DACH2: variants seen among roughly 807,000 people sequenced by gnomAD.
The protein encoded by DACH2 is dachshund homolog 2.
DACH2 carries 17 observed loss-of-function variants against 35.8 expected under a neutral mutation model. That is an observed-to-expected ratio of 0.48 (90% confidence interval 0.33 to 0.71). The LOEUF (loss-of-function observed/expected upper bound fraction) is 0.71, where lower values mean the gene tolerates loss of function less well. Ranked by LOEUF, DACH2 falls within the 30% of genes least tolerant of loss-of-function variation. DACH2 has a pLI of 0.02. For synonymous variants in DACH2, 195 were observed against 177.3 expected, an observed-to-expected ratio of 1.10 and a Z score of -0.79; for missense variants, 469 against 472.7, an observed-to-expected ratio of 0.99 and a Z score of 0.07.
At chrX:86,300,682 T>C (rs969938569) in intron 1 of DACH2, among the ~76,000 whole-genome samples, 5 of 111,752 alleles carry the variant, frequency 4.5e-5, no homozygotes, top group Non-Finnish European at 9.4e-5. Context: ...ACTTAAAGTA[T>C]AATAATAAAA....
chrX:86,656,029 T>TC (rs66532210), intron 4 of DACH2, among the ~76,000 whole-genome samples: 27,886 of 80,637 alleles, frequency 0.35, 4,354 homozygotes, highest in Non-Finnish European at 0.4. Flanking sequence ...GAAATAAAGC[T>TC]CCCCCCCCCC....
chrX:86,562,348 A>T (rs937961742), intron 3 of DACH2, among the ~76,000 whole-genome samples: 2 of 111,504 alleles, frequency 1.8e-5, no homozygotes. Context: ...TTGAGAAAAG[A>T]TAGCACAATT....
intron 7 of DACH2, among the ~76,000 whole-genome samples, chrX:86,751,869 A>C (rs1253080870): frequency 8.9e-6 from 1 of 112,241 alleles, no homozygotes; most frequent in African/African-American, 3.2e-5. Flanking sequence ...TGGATAAAGA[A>C]AATGTGCTAC....
At chrX:86,483,042 G>T (rs1210728035) in intron 2 of DACH2, among the ~76,000 whole-genome samples, 2 of 107,312 alleles carry the variant, frequency 1.9e-5, no homozygotes, top group East Asian at 5.9e-4. Context: ...AATGCTAGAT[G>T]ACGAGTTAGT....
At chrX:86,770,352 T>C in intron 7 of DACH2, among the ~76,000 whole-genome samples, 1 of 111,867 alleles carries the variant, frequency 8.9e-6, no homozygotes, top group Non-Finnish European at 1.9e-5. Context: ...AGAACATATT[T>C]TGAGGAATCA....
chrX:86,611,260 G>C (rs370288112), intron 3 of DACH2, among the ~76,000 whole-genome samples: 29 of 110,706 alleles, frequency 2.6e-4, no homozygotes, highest in East Asian at 2.6e-3. Context: ...CCTGTGTTCT[G>C]TTCTACAGTG....
chrX:86,517,325 G>A (rs193221136), intron 3 of DACH2, among the ~76,000 whole-genome samples: 2 of 111,231 alleles, frequency 1.8e-5, no homozygotes, highest in East Asian at 5.7e-4. Context: ...ACCACAAAAT[G>A]TAATGATCAG....
chrX:86,160,042 A>G (rs1252861138), intron 1 of DACH2, among the ~76,000 whole-genome samples: 1 of 89,101 alleles, frequency 1.1e-5, no homozygotes, highest in Admixed American at 1.1e-4. Flanking sequence ...TGCCACATGT[A>G]AAAAAAAAAA....
chrX:86,226,220 A>G (rs1174052855), intron 1 of DACH2, among the ~76,000 whole-genome samples: 2 of 111,927 alleles, frequency 1.8e-5, no homozygotes, highest in African/African-American at 6.5e-5. Context: ...AAAAAAGTCA[A>G]ATGATAGGCT....
intron 1 of DACH2, among the ~76,000 whole-genome samples, chrX:86,237,228 C>T (rs1322216473): frequency 9.0e-6 from 1 of 111,613 alleles, no homozygotes; most frequent in Admixed American, 9.6e-5. Flanking sequence ...TTCTGTAATA[C>T]TTCTTGAAAG....
intron 1 of DACH2, among the ~76,000 whole-genome samples, chrX:86,191,222 C>A (rs2147892365): frequency 9.0e-6 from 1 of 111,723 alleles, no homozygotes; most frequent in Non-Finnish European, 1.9e-5. Context: ...GATACAGAAT[C>A]AACTTCAATG....
chrX:86,538,590 A>T lies in DACH2; in HGVS notation c.640+24199A>T, dbSNP rs1048501740. On this transcript the variant is annotated intron_variant, in intron 3 of 11. Coordinates refer to ENST00000373125, the MANE Select transcript of DACH2 (RefSeq NM_053281.3). ...GAAGTCCAAGATCAAGGGGATGGCA[A>T]CTGTGAAGGCCTTCTTGCAGAGTCA... 2.7e-5 allele frequency among the ~76,000 whole-genome samples: 3 copies of T among 112,007 alleles called. No homozygotes were observed. The Admixed American group carries it at 2.9e-4, about 11-fold the overall frequency.
At chrX:86,419,695 T>G (rs762401238) in intron 2 of DACH2, among the ~76,000 whole-genome samples, 1 of 111,830 alleles carries the variant, frequency 8.9e-6, no homozygotes, top group Non-Finnish European at 1.9e-5. Flanking sequence ...GAATGTGAAT[T>G]TCATGAGAAT....
chrX:86,215,855 C>T (rs973918679), intron 1 of DACH2, among the ~76,000 whole-genome samples: 7 of 112,134 alleles, frequency 6.2e-5, no homozygotes, highest in South Asian at 3.7e-4. Flanking sequence ...CCTTTTATTA[C>T]GACAATTGTA....
intron 1 of DACH2, among the ~76,000 whole-genome samples, chrX:86,276,643 T>C (rs1446171108): frequency 8.9e-6 from 1 of 111,885 alleles, no homozygotes; most frequent in Admixed American, 9.5e-5. Context: ...AATGTTTTCT[T>C]GTAGTATTTT....
At position 86,594,551 on chromosome X, in the gene DACH2, T is replaced by A. The variant is rs200985470; in HGVS notation, c.641-56485T>A. Among the ~76,000 whole-genome samples the A allele has an allele frequency of 5.5e-5, 6 of 109,693 alleles. No homozygotes were observed. In the East Asian group the frequency reaches 1.7e-3, roughly 31 times the overall value. ...TTCATTTCATTCAAAACACTTTTAA[T>A]TTATCTTGAAACTTTTTTTTTCCAT... On this transcript the variant is annotated intron_variant, in intron 3 of 11. Transcript: ENST00000373125.
intron 1 of DACH2, among the ~76,000 whole-genome samples, chrX:86,164,097 T>C (rs1183486765): frequency 9.0e-6 from 1 of 111,112 alleles, no homozygotes. Flanking sequence ...GTTATTTATT[T>C]ATTTATTTTT....
At chrX:86,263,085 C>T (rs2033655503) in intron 1 of DACH2, 10 of 534,840 alleles carry the variant, frequency 1.9e-5, no homozygotes, top group Non-Finnish European at 2.3e-5. Flanking sequence ...TAATAATAGA[C>T]CAGCTGCTGC....
intron 3 of DACH2, among the ~76,000 whole-genome samples, chrX:86,620,625 AT>A (rs932287145): frequency 4.5e-5 from 5 of 111,161 alleles, no homozygotes; most frequent in Non-Finnish European, 9.4e-5. Context: ...GGACATATAA[AT>A]TTTGATTTAT....
Sources: gnomAD v4.1 joint callset for allele counts (sites outside exome capture counted in the v4.1 genomes callset) on GRCh38, gnomAD v4.1.1 for gene constraint, MANE v1.5 for transcripts, NCBI Gene and HGNC (gene_info 2026-07-23, HGNC 2026-07-21) for gene names.